The following ADGRL2 variants were observed in gnomAD, a reference collection of about 807,000 sequenced individuals.
ADGRL2 encodes calcium-independent alpha-latrotoxin receptor 2.
A neutral mutation model predicts 157.4 loss-of-function variants in ADGRL2; 44 were observed. The observed-to-expected ratio is 0.28, with a 90% CI of 0.22 to 0.36. The LOEUF (loss-of-function observed/expected upper bound fraction) is 0.36, where lower values mean the gene tolerates loss of function less well. Ranked by LOEUF, ADGRL2 falls within the 10% of genes least tolerant of loss-of-function variation. The pLI, the probability that ADGRL2 is intolerant of heterozygous loss-of-function variation, is 1.00. For missense variants in ADGRL2, 1,510 were observed against 1,768.9 expected (o/e 0.85, Z 2.63); for synonymous variants, 585 against 624.7 (o/e 0.94, Z 0.95).
intron 2 of ADGRL2, among the ~76,000 whole-genome samples, chr1:81,534,461 C>A: frequency 6.6e-6 from 1 of 152,242 alleles, no homozygotes; most frequent in East Asian, 1.9e-4. Context: ...CGCACCAGGC[C>A]TGATTACAAG....
At position 81,974,593 on chromosome 1, in the gene ADGRL2, C is replaced by A. The variant is rs140593911; in HGVS notation, c.3021+2675C>A. Reference sequence around the variant, plus strand: ...CCAGGGAGGACAAAAAGGGTCAGAACGTGCACAGTTCAGCTAGGTTACTTC... The same window carrying A: ...CCAGGGAGGACAAAAAGGGTCAGAAAGTGCACAGTTCAGCTAGGTTACTTC... On this transcript the variant is annotated intron_variant, in intron 17 of 23. Transcript: ENST00000686636. 2.0e-5 allele frequency among the ~76,000 whole-genome samples: 3 copies of A among 152,106 alleles called. No individual in the cohort carries two copies. The East Asian group carries it at 5.8e-4, about 29-fold the overall frequency.
intron 1 of ADGRL2, among the ~76,000 whole-genome samples, chr1:81,829,709 T>C (rs2091797489): frequency 6.6e-6 from 1 of 152,224 alleles, no homozygotes; most frequent in African/African-American, 2.4e-5. Flanking sequence ...GACAAGTCCT[T>C]AGTTAAACAT....
At chr1:81,617,294 GA>G (rs1018689289) in intron 3 of ADGRL2, among the ~76,000 whole-genome samples, 16 of 101,142 alleles carry the variant, frequency 1.6e-4, no homozygotes, top group African/African-American at 6.0e-4. Flanking sequence ...AATGCCTGAT[GA>G]TCTGAGGTGG....
At chr1:81,890,624 C>G (rs938209110) in intron 2 of ADGRL2, among the ~76,000 whole-genome samples, 1 of 152,004 alleles carries the variant, frequency 6.6e-6, no homozygotes, top group Non-Finnish European at 1.5e-5. Flanking sequence ...GAATATTTTG[C>G]TTGAGCAAAA....
intron 2 of ADGRL2, among the ~76,000 whole-genome samples, chr1:81,793,083 T>G (rs1557656007): frequency 6.6e-6 from 1 of 152,018 alleles, no homozygotes; most frequent in Non-Finnish European, 1.5e-5. Context: ...TGGGAAAAAT[T>G]TTAAGGATTT....
Position 81,956,046 on chromosome 1 carries a change from C to T in ADGRL2, c.2003C>T (p.Pro668Leu). Residue 668 changes from proline (P) to leucine (L), a missense_variant, in exon 11 of 24, where the codon CCC (proline) becomes CTC (leucine). Coordinates refer to ENST00000686636, the MANE Select transcript of ADGRL2 (RefSeq NM_001366006.2). ...TTAGAACCAACAAGGGTCTCAATGC[C>T]CACAGAAAATATTGGTAAGTGAATC... The part of the protein sequence containing the change: ...NLLEPTRVSM[P>L]TENIVLEVAV... 6.3e-7 allele frequency: 1 copy of T among 1,592,002 alleles called. No homozygotes were observed. Among genetic ancestry groups the T allele is most frequent in the Non-Finnish European group, 8.5e-7 (1 of 1,171,594 alleles).
At chr1:81,521,549 A>G (rs2079315414) in intron 2 of ADGRL2, among the ~76,000 whole-genome samples, 1 of 152,204 alleles carries the variant, frequency 6.6e-6, no homozygotes, top group Non-Finnish European at 1.5e-5. Flanking sequence ...TATCATATTA[A>G]AATCATATAA....
chr1:81,790,788 G>A (rs1327612564), intron 2 of ADGRL2, among the ~76,000 whole-genome samples: 3 of 152,108 alleles, frequency 2.0e-5, no homozygotes, highest in Admixed American at 6.6e-5. Context: ...TATGATTGGT[G>A]CATACCATTC....
intron 2 of ADGRL2, among the ~76,000 whole-genome samples, chr1:81,781,430 G>T (rs1265938570): frequency 6.6e-6 from 1 of 152,012 alleles, no homozygotes; most frequent in African/African-American, 2.4e-5. Flanking sequence ...AGAGGAAAAG[G>T]TTTTTCAGCT....
chr1:81,426,282 G>T (rs562410639), intron 1 of ADGRL2, among the ~76,000 whole-genome samples: 21 of 152,086 alleles, frequency 1.4e-4, no homozygotes, highest in Admixed American at 5.2e-4. Context: ...GGGTCTTGTG[G>T]CCTATTTACA....
chr1:81,629,996 A>G (rs1232210743), intron 3 of ADGRL2, among the ~76,000 whole-genome samples: 1 of 152,018 alleles, frequency 6.6e-6, no homozygotes, highest in African/African-American at 2.4e-5. Context: ...ACATATCCAT[A>G]TGTATATATG....
At chr1:81,989,569 T>G in intron 23 of ADGRL2, 1 of 994,680 alleles carries the variant, frequency 1.0e-6, no homozygotes, top group Non-Finnish European at 1.5e-6. Flanking sequence ...TCTAATTTGT[T>G]GAACCCTTGC....
intron 3 of ADGRL2, among the ~76,000 whole-genome samples, chr1:81,933,466 AACGAC>A (rs2148812618): frequency 6.6e-6 from 1 of 152,298 alleles, no homozygotes; most frequent in African/African-American, 2.4e-5. Context: ...TGAAAATACA[AACGAC>A]TAAACACTTT....
chr1:81,806,764 C>T (rs751491628), intron 1 of ADGRL2, among the ~76,000 whole-genome samples: 37 of 151,842 alleles, frequency 2.4e-4, no homozygotes, highest in Non-Finnish European at 4.9e-4. Flanking sequence ...CAATCCATAC[C>T]GCTTGCCCAA....
chr1:81,817,669 G>T (rs1260777851), intron 1 of ADGRL2, among the ~76,000 whole-genome samples: 2 of 151,942 alleles, frequency 1.3e-5, no homozygotes, highest in African/African-American at 2.4e-5. Context: ...TATTTATAGG[G>T]TGTAATAAAA....
intron 17 of ADGRL2, among the ~76,000 whole-genome samples, chr1:81,978,048 T>G (rs1048286343): frequency 4.6e-5 from 7 of 151,652 alleles, no homozygotes; most frequent in Admixed American, 2.0e-4. Flanking sequence ...TCTTGAATTT[T>G]ACTAGTTAAA....
intron 1 of ADGRL2, among the ~76,000 whole-genome samples, chr1:81,430,220 T>C (rs2077295774): frequency 6.6e-6 from 1 of 152,100 alleles, no homozygotes; most frequent in Admixed American, 6.5e-5. Flanking sequence ...ATGGGGGAAA[T>C]AGGCAAAAGC....
chr1:81,584,062 A>T lies in ADGRL2; in HGVS notation c.-143+3082A>T, dbSNP rs199912803. 1.4e-4 allele frequency among the ~76,000 whole-genome samples: 21 copies of T among 152,268 alleles called. No individual in the cohort carries two copies. In the East Asian group the frequency reaches 3.9e-3, roughly 28 times the overall value. On this transcript the variant is annotated intron_variant, in intron 3 of 24. Coordinates refer to the ADGRL2 transcript ENST00000370721. ...TTTCTCTGAGATTAGGCACACGCTT[A>T]TGTATACTTTGACCTAAGAGTGCCT...
intron 2 of ADGRL2, among the ~76,000 whole-genome samples, chr1:81,895,744 T>C (rs2094373329): frequency 6.6e-6 from 1 of 152,084 alleles, no homozygotes; most frequent in Non-Finnish European, 1.5e-5. Flanking sequence ...TTTTTTTGTG[T>C]TAGTGCTTTA....
Sources: gnomAD v4.1 joint callset for allele counts (sites outside exome capture counted in the v4.1 genomes callset) on GRCh38, gnomAD v4.1.1 for gene constraint, MANE v1.5 for transcripts, NCBI Gene and HGNC (gene_info 2026-07-23, HGNC 2026-07-21) for gene names.